The following LAMA1 variants were observed in gnomAD, a reference collection of about 807,000 sequenced individuals.
LAMA1 encodes the protein laminin subunit alpha-1.
Under a neutral mutation model 348.7 loss-of-function variants are expected in LAMA1, and 219 were observed. That is an observed-to-expected ratio of 0.63 (90% CI 0.56 to 0.70). The LOEUF is 0.70. Ranked by LOEUF, LAMA1 falls within the 30% of genes least tolerant of loss-of-function variation. LAMA1 has a pLI of 0.00. For missense variants in LAMA1, 3,744 were observed against 3,888.0 expected, an observed-to-expected ratio of 0.96 and a Z score of 0.99; for synonymous variants, 1,487 against 1,491.0, an observed-to-expected ratio of 1.00 and a Z score of 0.06.
intron 12 of LAMA1, 89 bp downstream of exon 12, chr18:7,037,489 A>T: frequency 1.4e-6 from 2 of 1,449,328 alleles, no homozygotes; most frequent in Non-Finnish European, 1.9e-6. Flanking sequence ...GCCCTATGAG[A>T]CTACCTAAAA....
At chr18:6,999,712 C>A in intron 31 of LAMA1, 74 bp from the exon 32 acceptor site, 1 of 1,337,394 alleles carries the variant, frequency 7.5e-7, no homozygotes, top group South Asian at 1.2e-5. Context: ...GTAATCATTT[C>A]CGCCAAATGA....
At chr18:7,068,525 G>T (rs1320046242) in intron 3 of LAMA1, among the ~76,000 whole-genome samples, 1 of 152,150 alleles carries the variant, frequency 6.6e-6, no homozygotes, top group Non-Finnish European at 1.5e-5. Flanking sequence ...GGTCACCCCT[G>T]ATTGTAAGAA....
chr18:7,116,188 G>GGGGCCAGGACAACCTTC, intron 1 of LAMA1, among the ~76,000 whole-genome samples: 1 of 152,330 alleles, frequency 6.6e-6, no homozygotes, highest in South Asian at 2.1e-4. Context: ...CGAGCCCCGA[G>GGGGCCAGGACAACCTTC]GGGCCAGGAC....
rs193134490 is a variant in LAMA1 at position 7,095,231 on chromosome 18, A to G, written c.62-14774T>C. Among the ~76,000 whole-genome samples, 133 of 151,976 alleles carry G rather than the reference A, an allele frequency of 8.8e-4. 1 individual carries two copies. Among genetic ancestry groups the G allele is most frequent in the African/African-American group, 3.1e-3 (130 of 41,438 alleles). On this transcript the variant is annotated intron_variant, in intron 1 of 62. Transcript: ENST00000389658. ...AGTTCTTCCCTATATTTGTATTATGATAATACAGTGACGGAAAATTTACTT... is the reference window on the plus strand; with the variant it reads ...AGTTCTTCCCTATATTTGTATTATGGTAATACAGTGACGGAAAATTTACTT...
rs1390556498 is a variant in LAMA1 at position 7,021,876 on chromosome 18, TATA to T, written c.2701+1285_2701+1287del. Among the ~76,000 whole-genome samples, 59 of 143,742 alleles carry T rather than the reference TATA, an allele frequency of 4.1e-4. 1 individual carries two copies. Among genetic ancestry groups the T allele is most frequent in the East Asian group, 1.0e-3 (5 of 5,022 alleles). 94.3% of individuals were successfully genotyped at this position (143,742 alleles called of 152,430 possible). On this transcript the variant is annotated intron_variant, in intron 19 of 62. Transcript: ENST00000389658. ...ATTATATATATTATATATTAGAAAATATAATAATAATTGGTTTATTACTAGTAA... is the reference window on the plus strand; with the variant it reads ...ATTATATATATTATATATTAGAAAATATAATAATTGGTTTATTACTAGTAA...
intron 22 of LAMA1, among the ~76,000 whole-genome samples, chr18:7,014,516 G>C (rs1347052203): frequency 6.6e-6 from 1 of 151,838 alleles, no homozygotes; most frequent in Non-Finnish European, 1.5e-5. Flanking sequence ...CAGCCACTTG[G>C]GGGCCTGAAG....
chr18:6,970,354 G>A (rs1347850579), intron 48 of LAMA1, among the ~76,000 whole-genome samples: 1 of 152,210 alleles, frequency 6.6e-6, no homozygotes. Flanking sequence ...GTGAAGACTG[G>A]TAAAGTGTTT....
At chr18:6,954,159 G>A (rs1472627108) in intron 57 of LAMA1, 1 of 152,250 alleles carries the variant, frequency 6.6e-6, no homozygotes, top group Admixed American at 6.6e-5. Context: ...GGCTCCCCAT[G>A]TCGTTTGGAG....
At chr18:7,057,466 C>CTTTTCT (rs1454069685) in intron 3 of LAMA1, among the ~76,000 whole-genome samples, 1 of 125,580 alleles carries the variant, frequency 8.0e-6, no homozygotes, top group Non-Finnish European at 1.6e-5. Context: ...CTTTTCTTTT[C>CTTTTCT]TTTTCTTTTT....
Position 7,117,773 on chromosome 18 carries a change from G to A in LAMA1, c.-53C>T. 6.5e-7 allele frequency: 1 copy of A among 1,530,950 alleles called. No individual in the cohort carries two copies. 94.8% of individuals were successfully genotyped at this position (1,530,950 alleles called of 1,614,324 possible). On this transcript the variant is annotated 5_prime_UTR_variant, in exon 1 of 63. Coordinates refer to ENST00000389658, the MANE Select transcript of LAMA1 (RefSeq NM_005559.4). ...TGGGGAGAAAGCCGCGCGCCCGCCTGGAACGCTCCACGGGACGCGAGTCCG... is the reference window on the plus strand; with the variant it reads ...TGGGGAGAAAGCCGCGCGCCCGCCTAGAACGCTCCACGGGACGCGAGTCCG...
Position 7,049,228 on chromosome 18 carries a change from TG to T in LAMA1, c.617del (p.Pro206GlnfsTer34), listed in dbSNP as rs1298664458. The T allele has an allele frequency of 6.2e-7, 1 of 1,614,002 alleles. No homozygotes were observed. Among genetic ancestry groups the T allele is most frequent in the Non-Finnish European group, 8.5e-7 (1 of 1,180,004 alleles). ...EIHTSLINGR[P>X]SADDLSPKLL... ...ACTTGGGTGAAAGATCGTCAGCGCT[TG>T]GTCTGCCATTGATGAGTGATGTATG... On this transcript the variant is annotated frameshift_variant, in exon 5 of 63. Transcript: ENST00000389658. LOFTEE classifies it high-confidence loss of function.
chr18:6,955,548 A>G, intron 56 of LAMA1, 83 bp from the exon 57 acceptor site: 1 of 920,482 alleles, frequency 1.1e-6, no homozygotes, highest in Non-Finnish European at 1.8e-6. Flanking sequence ...ATGAAGGGCC[A>G]TCTACGAAGC....
chr18:7,058,155 G>A (rs1411376140), intron 3 of LAMA1, among the ~76,000 whole-genome samples: 3 of 152,014 alleles, frequency 2.0e-5, no homozygotes, highest in Non-Finnish European at 4.4e-5. Context: ...CCTTTTGCCA[G>A]CTTTTATTCT....
chr18:7,056,707 G>A (rs555643115), intron 3 of LAMA1, among the ~76,000 whole-genome samples: 9 of 152,222 alleles, frequency 5.9e-5, no homozygotes, highest in Admixed American at 1.3e-4. Context: ...CCTGGAGACC[G>A]GGTTCATATG....
chr18:7,055,111 G>C (rs2058076206), intron 3 of LAMA1, among the ~76,000 whole-genome samples: 1 of 138,500 alleles, frequency 7.2e-6, no homozygotes, highest in South Asian at 2.3e-4. Context: ...TCAAGGGTCA[G>C]CTGTGTGTGT....
chr18:6,983,653 T>G (rs1245071996), intron 39 of LAMA1, among the ~76,000 whole-genome samples: 2 of 152,212 alleles, frequency 1.3e-5, no homozygotes, highest in Non-Finnish European at 2.9e-5. Context: ...TAAGCATACC[T>G]GAGGCCGCTG....
At chr18:7,089,793 T>A (rs1568063579) in intron 1 of LAMA1, among the ~76,000 whole-genome samples, 1 of 152,024 alleles carries the variant, frequency 6.6e-6, no homozygotes. Flanking sequence ...ATAGGAAAGG[T>A]GTGAGGGGTG....
At chr18:6,997,938 C>A in intron 32 of LAMA1, 54 bp from the exon 33 acceptor site, 1 of 1,559,534 alleles carries the variant, frequency 6.4e-7, no homozygotes, top group South Asian at 1.1e-5. Context: ...TGTGGTCTGC[C>A]CATTTTTTCA....
Position 7,016,592 on chromosome 18 carries a change from C to G in LAMA1, c.2888G>C (p.Cys963Ser), listed in dbSNP as rs747249644. Reference sequence around the variant, plus strand: ...ACAGTGACACTGGCCTTCATCCGTGCAGCCATCTGACACGGAGCCTGCCAC... The same window carrying G: ...ACAGTGACACTGGCCTTCATCCGTGGAGCCATCTGACACGGAGCCTGCCAC... The part of the protein sequence containing the change: ...CSVAGSVSDG[C>S]TDEGQCHCVP... Residue 963 changes from cysteine to serine, a missense_variant, in exon 21 of 63, where the codon TGC becomes TCC. Cys to Ser is a moderately radical substitution (Grantham distance 112, BLOSUM62 -1). This residue lies in a region of LAMA1 where 1,529 missense variants were observed against 1,689.4 expected (regional missense o/e 0.91). Coordinates refer to ENST00000389658, the MANE Select transcript of LAMA1 (RefSeq NM_005559.4). The G allele has an allele frequency of 6.2e-7, 1 of 1,614,144 alleles. No homozygotes were observed. Among genetic ancestry groups the G allele is most frequent in the Non-Finnish European group, 8.5e-7 (1 of 1,180,020 alleles).
Sources: allele counts gnomAD v4.1 joint callset (sites outside exome capture counted in the v4.1 genomes callset), GRCh38; gene constraint gnomAD v4.1.1; regional missense constraint gnomAD v4.1.1; transcripts MANE v1.5; gene names NCBI Gene and HGNC (gene_info 2026-07-23, HGNC 2026-07-21).